The following RAD51B variants were observed in gnomAD, a reference collection of about 807,000 sequenced individuals.
RAD51B encodes RAD51 paralog B.
RAD51B carries 38 observed loss-of-function variants against 42.2 expected under a neutral mutation model. That is an observed-to-expected ratio of 0.90 (90% CI 0.70 to 1.18). RAD51B has a LOEUF of 1.18. Among genes scored for constraint, RAD51B ranks in the 50% most tolerant of loss-of-function variants. RAD51B has a pLI of 0.00. For missense variants in RAD51B, 373 were observed against 400.7 expected (o/e 0.93, Z 0.59); for synonymous variants, 154 against 145.2 (o/e 1.06, Z -0.43).
chr14:68,203,435 G>T (rs2079529001), intron 7 of RAD51B, among the ~76,000 whole-genome samples: 1 of 152,190 alleles, frequency 6.6e-6, no homozygotes, highest in Non-Finnish European at 1.5e-5. Flanking sequence ...ACTGTAAACA[G>T]ATGTGCTGCC....
At chr14:68,578,830 G>A (rs1890084180) in intron 10 of RAD51B, among the ~76,000 whole-genome samples, 1 of 152,214 alleles carries the variant, frequency 6.6e-6, no homozygotes, top group Non-Finnish European at 1.5e-5. Context: ...ATGCTCAAGG[G>A]ATAGCTAATG....
At chr14:68,315,136 G>A (rs989746588) in intron 8 of RAD51B, among the ~76,000 whole-genome samples, 1 of 152,210 alleles carries the variant, frequency 6.6e-6, no homozygotes, top group African/African-American at 2.4e-5. Flanking sequence ...GATCTTTTAT[G>A]TATCTAAATG....
intron 7 of RAD51B, among the ~76,000 whole-genome samples, chr14:68,200,720 C>G (rs921621795): frequency 1.3e-5 from 2 of 152,050 alleles, no homozygotes; most frequent in East Asian, 3.9e-4. Context: ...GTGGTGTGAT[C>G]ACGGCTCACT....
intron 7 of RAD51B, among the ~76,000 whole-genome samples, chr14:67,930,921 T>C (rs2044706109): frequency 6.6e-6 from 1 of 150,582 alleles, no homozygotes; most frequent in Non-Finnish European, 1.5e-5. Context: ...TTATTTCTTT[T>C]TTTTTTTTCT....
At chr14:68,648,153 ACGTATATATATATATACACACG>A (rs1310354662) in intron 10 of RAD51B, among the ~76,000 whole-genome samples, 11 of 110,612 alleles carry the variant, frequency 9.9e-5, no homozygotes, top group Non-Finnish European at 1.5e-4. Flanking sequence ...ATATACACAC[ACGTATATATATATATACACACG>A]TATATATATA....
chr14:68,478,223 G>A (rs1400635855), downstream of RAD51B: 16 of 970,982 alleles, frequency 1.6e-5, no homozygotes, highest in African/African-American at 5.2e-5. Flanking sequence ...GAGGGAGGTC[G>A]ATGGGCTCAG....
rs565133665 is a variant in RAD51B, at chr14:67,884,160, T to G, written c.453-1709T>G. On this transcript the variant is annotated intron_variant, in intron 5 of 10. Transcript: ENST00000471583. ...TTTAGAGAAACAAAATTACAGCATA[T>G]TGGTGTGTAAATGATCCATTTAATA... Among the ~76,000 whole-genome samples the G allele has an allele frequency of 9.8e-5, 15 of 152,330 alleles. No individual in the cohort carries two copies. The East Asian group carries it at 2.9e-3, about 29-fold the overall frequency.
chr14:67,909,178 A>G (rs531931065), intron 7 of RAD51B, among the ~76,000 whole-genome samples: 1 of 152,216 alleles, frequency 6.6e-6, no homozygotes, highest in Non-Finnish European at 1.5e-5. Context: ...GTGAAGCCAT[A>G]AAGTTTGAAA....
At chr14:68,169,819 A>G (rs1031342062) in intron 7 of RAD51B, among the ~76,000 whole-genome samples, 4 of 152,198 alleles carry the variant, frequency 2.6e-5, no homozygotes, top group Admixed American at 6.5e-5. Flanking sequence ...GAGGTTCTAG[A>G]TGACCTCTTT....
At chr14:68,177,626 T>A (rs2078986151) in intron 7 of RAD51B, among the ~76,000 whole-genome samples, 1 of 151,294 alleles carries the variant, frequency 6.6e-6, no homozygotes, top group Non-Finnish European at 1.5e-5. Context: ...CAGTGGGGAA[T>A]GAGAGAAAGG....
chr14:68,430,890 T>A (rs1372336371), intron 9 of RAD51B, among the ~76,000 whole-genome samples: 1 of 152,128 alleles, frequency 6.6e-6, no homozygotes, highest in African/African-American at 2.4e-5. Context: ...TGTGGGTTTG[T>A]CATAAATAGC....
chr14:67,961,020 TTATTCAAGACAG>T (rs1342387717), intron 7 of RAD51B, among the ~76,000 whole-genome samples: 1 of 152,262 alleles, frequency 6.6e-6, no homozygotes, highest in East Asian at 1.9e-4. Flanking sequence ...ATTCATTCAT[TTATTCAAGACAG>T]GGCCTCATTC....
At chr14:68,226,479 A>C (rs979093889) in intron 7 of RAD51B, among the ~76,000 whole-genome samples, 1 of 152,152 alleles carries the variant, frequency 6.6e-6, no homozygotes, top group African/African-American at 2.4e-5. Context: ...GAGGTAATTG[A>C]ATCATGGTGG....
At chr14:68,101,731 G>A (rs61987534) in intron 7 of RAD51B, among the ~76,000 whole-genome samples, 24 of 152,260 alleles carry the variant, frequency 1.6e-4, no homozygotes, top group East Asian at 9.6e-4. Context: ...CCAGGTGCAC[G>A]GTGCAAGCTG....
At chr14:68,116,881 G>T (rs754090411) in intron 7 of RAD51B, among the ~76,000 whole-genome samples, 6 of 151,596 alleles carry the variant, frequency 4.0e-5, no homozygotes, top group Non-Finnish European at 7.4e-5. Context: ...AAATATTAAG[G>T]TTCAAAATGG....
intron 8 of RAD51B, among the ~76,000 whole-genome samples, chr14:68,356,573 G>A (rs1484538496): frequency 1.3e-5 from 2 of 152,154 alleles, no homozygotes; most frequent in South Asian, 2.1e-4. Context: ...AGGGATCATC[G>A]GAGCCTTCAG....
intron 7 of RAD51B, among the ~76,000 whole-genome samples, chr14:68,121,605 A>G (rs1035439853): frequency 9.2e-5 from 14 of 152,276 alleles, no homozygotes; most frequent in Middle Eastern, 3.4e-3. Context: ...TATTCCTACT[A>G]TCATTTAGTA....
At chr14:68,619,473 G>A (rs118045635) in intron 10 of RAD51B, among the ~76,000 whole-genome samples, 1,673 of 132,758 alleles carry the variant, frequency 0.013, 19 homozygotes, top group Middle Eastern at 0.022. Flanking sequence ...AAAAAAAAAA[G>A]AAAAAAAAAA....
intron 10 of RAD51B, among the ~76,000 whole-genome samples, chr14:68,485,931 A>G (rs911582118): frequency 7.2e-5 from 11 of 152,338 alleles, no homozygotes; most frequent in Middle Eastern, 3.4e-3. Flanking sequence ...ATTGTGCTTT[A>G]TATGAATTCA....
Sources: allele counts gnomAD v4.1 joint callset (sites outside exome capture counted in the v4.1 genomes callset), GRCh38; gene constraint gnomAD v4.1.1; transcripts MANE v1.5; gene names NCBI Gene and HGNC (gene_info 2026-07-23, HGNC 2026-07-21).